Variants in PFKFB2 observed in about 807,000 individuals in gnomAD.
PFKFB2 encodes 6-phosphofructo-2-kinase/fructose-2,6-biphosphatase 2, also known as 6-phosphofructo-2-kinase/fructose-2,6-bisphosphatase 2.
PFKFB2 carries 53 observed loss-of-function variants against 68.0 expected under a neutral mutation model. That is an observed-to-expected ratio of 0.78 (90% CI 0.63 to 0.98). The LOEUF (loss-of-function observed/expected upper bound fraction) is 0.98. Among genes scored for constraint, PFKFB2 ranks in the 50% least tolerant of loss-of-function variants. PFKFB2 has a pLI of 0.00. For synonymous variants in PFKFB2, 222 were observed against 227.6 expected, an observed-to-expected ratio of 0.98 and a Z score of 0.22; for missense variants, 451 against 642.0, an observed-to-expected ratio of 0.70 and a Z score of 3.22.
rs1386606573 is a variant in PFKFB2, at chr1:207,075,430, C to T, written c.*3059C>T. On this transcript the variant is annotated 3_prime_UTR_variant, in exon 15 of 15. Coordinates refer to ENST00000367080, the MANE Select transcript of PFKFB2 (RefSeq NM_006212.2). ...AATGTAGAATGGAAAAGAGCTCTTA[C>T]TCCAAATTTTAGAGAAGTTTCAGCT... 39 of 985,248 alleles carry T rather than the reference C, an allele frequency of 4.0e-5. No individual in the cohort carries two copies. Among genetic ancestry groups the T allele is most frequent in the Non-Finnish European group, 4.6e-5 (38 of 829,868 alleles). 61.0% of individuals were successfully genotyped at this position (985,248 alleles called of 1,614,324 possible). A position where few individuals can be genotyped will look rare whatever the true frequency, so the allele number is the denominator to read the frequency against.
At chr1:207,078,958 C>T, downstream of PFKFB2, 1 of 1,611,912 alleles carries the variant, frequency 6.2e-7, no homozygotes, top group Non-Finnish European at 8.5e-7. Flanking sequence ...TCGTAGGCAG[C>T]AGAGACCACA....
intron 2 of PFKFB2, chr1:207,045,838 T>C (rs1157283836): frequency 2.6e-5 from 4 of 152,006 alleles, no homozygotes; most frequent in Non-Finnish European, 2.9e-5. Context: ...TGGGACTTCA[T>C]GGAATAATCA....
At position 207,074,864 on chromosome 1, in the gene PFKFB2, T is replaced by C; in HGVS notation, c.*2493T>C. 1 of 985,472 alleles carries C rather than the reference T, an allele frequency of 1.0e-6. No individual in the cohort carries two copies. The highest frequency in any genetic ancestry group is 4.7e-5 in the South Asian group (1 of 21,284). The allele number at this position is 985,472 out of a possible 1,614,324, so 61.0% of individuals were successfully genotyped here. A position where few individuals can be genotyped will look rare whatever the true frequency, so the allele number is the denominator to read the frequency against. The stretch of plus-strand genomic sequence containing the variant: ...CACATCGCTTCTCCTGACTTTTCTG[T>C]TGTCCTATGGCTATGAGACTACAGG... On this transcript the variant is annotated 3_prime_UTR_variant, in exon 15 of 15. Coordinates refer to ENST00000367080, the MANE Select transcript of PFKFB2 (RefSeq NM_006212.2).
At chr1:207,039,981 G>A (rs1295122420) in intron 1 of PFKFB2, among the ~76,000 whole-genome samples, 1 of 152,196 alleles carries the variant, frequency 6.6e-6, no homozygotes, top group Non-Finnish European at 1.5e-5. Flanking sequence ...AGGCATCAGA[G>A]TTCAGGGTCC....
In PFKFB2 at chr1:207,054,769, AC is replaced by A; in HGVS notation, c.56del (p.Pro19GlnfsTer16). On this transcript the variant is annotated frameshift_variant, in exon 2 of 15. Coordinates refer to ENST00000367080, the MANE Select transcript of PFKFB2 (RefSeq NM_006212.2). LOFTEE classifies it high-confidence loss of function. ...EQNNNSYETKTPNLRMSEKKC... is the reference protein window; with the variant it reads ...EQNNNSYETKXPNLRMSEKKC... Reference sequence around the variant, plus strand: ...GAACAACAACAGCTATGAAACCAAAACCCCAAATCTTCGAATGTCAGAGAAG... The same window carrying A: ...GAACAACAACAGCTATGAAACCAAAACCCAAATCTTCGAATGTCAGAGAAG... 1.9e-6 allele frequency: 3 copies of A among 1,613,848 alleles called. No homozygotes were observed. The highest frequency in any genetic ancestry group is 2.5e-6 in the Non-Finnish European group (3 of 1,179,906).
upstream of PFKFB2, chr1:207,051,114 T>C (rs1414250464): frequency 7.0e-6 from 10 of 1,427,396 alleles, no homozygotes; most frequent in East Asian, 2.6e-5. Flanking sequence ...CGAACTCTTT[T>C]AAAGTGACAA....
At chr1:207,038,867 C>G (rs796440252) in intron 1 of PFKFB2, among the ~76,000 whole-genome samples, 19 of 152,260 alleles carry the variant, frequency 1.2e-4, no homozygotes, top group African/African-American at 4.6e-4. Context: ...TTATACCCAC[C>G]ACCTAGGGAA....
intron 8 of PFKFB2, among the ~76,000 whole-genome samples, chr1:207,065,516 A>G (rs1274125274): frequency 7.3e-6 from 1 of 136,890 alleles, no homozygotes; most frequent in Non-Finnish European, 1.6e-5. Flanking sequence ...ATGCCCGGCT[A>G]TTTTTTTTTT....
rs12084230 is a variant in PFKFB2 at position 207,071,712 on chromosome 1, C to T, written c.1350+139C>T. 11,008 of 631,906 alleles carry T rather than the reference C, an allele frequency of 0.017. 832 individuals are homozygous for T. The African/African-American group carries it at 0.17, about 10-fold the overall frequency. The allele number at this position is 631,906 out of a possible 1,614,324, so 39.1% of individuals were successfully genotyped here. A position where few individuals can be genotyped will look rare whatever the true frequency, so the allele number is the denominator to read the frequency against. ...ACTTACGTCCAAATGTAGTTTGCTA[C>T]GTCTGAAACTGATGTTGGAATTATT... On this transcript the variant is annotated intron_variant, in intron 14 of 14. Transcript: ENST00000367080.
Position 207,075,899 on chromosome 1 carries a change from G to T in PFKFB2, c.*3528G>T. ...CTTCTTATCTCCTAATCCCTAAATTGTAATTTAGCTCTTATCTGTATTGTT... is the reference window on the plus strand; with the variant it reads ...CTTCTTATCTCCTAATCCCTAAATTTTAATTTAGCTCTTATCTGTATTGTT... On this transcript the variant is annotated 3_prime_UTR_variant, in exon 15 of 15. Coordinates refer to ENST00000367080, the MANE Select transcript of PFKFB2 (RefSeq NM_006212.2). The T allele has an allele frequency of 1.0e-6, 1 of 984,688 alleles. No homozygotes were observed. The highest frequency in any genetic ancestry group is 1.2e-6 in the Non-Finnish European group (1 of 829,236). The allele number at this position is 984,688 out of a possible 1,614,324, so 61.0% of individuals were successfully genotyped here. A position where few individuals can be genotyped will look rare whatever the true frequency, so the allele number is the denominator to read the frequency against.
chr1:207,061,320 T>A (rs1171396163), intron 2 of PFKFB2, among the ~76,000 whole-genome samples: 1 of 150,334 alleles, frequency 6.7e-6, no homozygotes, highest in East Asian at 2.0e-4. Context: ...CTGTCATGTC[T>A]GGCTGCAGCA....
At position 207,073,503 on chromosome 1, in the gene PFKFB2, TAAGAAGA is replaced by T; in HGVS notation, c.*1138_*1144del. The T allele has an allele frequency of 1.0e-6, 1 of 985,398 alleles. No homozygotes were observed. The highest frequency in any genetic ancestry group is 1.2e-6 in the Non-Finnish European group (1 of 829,860). The allele number at this position is 985,398 out of a possible 1,614,324, so 61.0% of individuals were successfully genotyped here. A position where few individuals can be genotyped will look rare whatever the true frequency, so the allele number is the denominator to read the frequency against. ...TTGAATAATTTCAGCACACTGTCCTTAAGAAGAAAGAAACATCAAAACAAAATAGTTT... is the reference window on the plus strand; with the variant it reads ...TTGAATAATTTCAGCACACTGTCCTTAAGAAACATCAAAACAAAATAGTTT... On this transcript the variant is annotated 3_prime_UTR_variant, in exon 15 of 15. Coordinates refer to ENST00000367080, the MANE Select transcript of PFKFB2 (RefSeq NM_006212.2).
At chr1:207,034,614 A>G (rs1370548554) in intron 1 of PFKFB2, 1 of 152,246 alleles carries the variant, frequency 6.6e-6, no homozygotes, top group Admixed American at 6.5e-5. Context: ...AGGAACCCCT[A>G]TCTTTTACCA....
intron 8 of PFKFB2, among the ~76,000 whole-genome samples, chr1:207,066,026 A>T (rs1683278265): frequency 6.6e-6 from 1 of 152,212 alleles, no homozygotes; most frequent in South Asian, 2.1e-4. Context: ...TATCATGCAT[A>T]TTATAGCATA....
At chr1:207,034,705 GAAATATT>G (rs1682344891) in intron 1 of PFKFB2, among the ~76,000 whole-genome samples, 1 of 152,060 alleles carries the variant, frequency 6.6e-6, no homozygotes, top group South Asian at 2.1e-4. Flanking sequence ...TGTAAATTAT[GAAATATT>G]TCAGATACAC....
At position 207,038,755 on chromosome 1, in the gene PFKFB2, A is replaced by G. The variant is rs1037011969; in HGVS notation, c.-61-3414A>G. 4.1e-4 allele frequency among the ~76,000 whole-genome samples: 63 copies of G among 152,182 alleles called. 1 individual carries two copies. The highest frequency in any genetic ancestry group is 1.4e-3 in the African/African-American group (60 of 41,452). On this transcript the variant is annotated intron_variant, in intron 1 of 5. Transcript: ENST00000545806. The stretch of plus-strand genomic sequence containing the variant: ...TTGAGAGAGTCATCACATCCCACAC[A>G]TAAGTGCAAAACCCCAATCATCACA...
chr1:207,059,375 A>C (rs1683019840), intron 2 of PFKFB2, among the ~76,000 whole-genome samples: 1 of 152,060 alleles, frequency 6.6e-6, no homozygotes, highest in Non-Finnish European at 1.5e-5. Flanking sequence ...ATCATGGGGG[A>C]TTGAGAGCAG....
chr1:207,052,190 C>T (rs1682769063), upstream of PFKFB2: 1 of 1,612,600 alleles, frequency 6.2e-7, no homozygotes, highest in Non-Finnish European at 8.5e-7. Flanking sequence ...CTCACCTCCA[C>T]TGTAAAAGAC....
At position 207,070,793 on chromosome 1, in the gene PFKFB2, T is replaced by G; in HGVS notation, c.1222+384T>G. ...AGGGCAGTAAGAAGGTGCCGTTGCC[T>G]TCTTCCATACTTCGCTTCCCGATCT... On this transcript the variant is annotated intron_variant, in intron 12 of 14. Coordinates refer to ENST00000367080, the MANE Select transcript of PFKFB2 (RefSeq NM_006212.2). This position sits in a 1 kb window ranked among gnomAD's most constrained non-coding sequence, Gnocchi z 4.2. 1 of 280,974 alleles carries G rather than the reference T, an allele frequency of 3.6e-6. No individual in the cohort carries two copies. Among genetic ancestry groups the G allele is most frequent in the Non-Finnish European group, 6.9e-6 (1 of 145,820 alleles). 17.4% of individuals were successfully genotyped at this position (280,974 alleles called of 1,614,324 possible).
Sources: allele counts gnomAD v4.1 joint callset (sites outside exome capture counted in the v4.1 genomes callset), GRCh38; gene constraint gnomAD v4.1.1; non-coding constraint Gnocchi (gnomAD v3.1); transcripts MANE v1.5; gene names NCBI Gene and HGNC (gene_info 2026-07-23, HGNC 2026-07-21).